The following ANKRD45 variants were observed in gnomAD, a reference collection of about 807,000 sequenced individuals.
The protein encoded by ANKRD45 is ankyrin repeat domain 45.
In ANKRD45, 21 loss-of-function variants were observed where a neutral mutation model predicts 28.1. The ratio of observed to expected loss-of-function variants is 0.75; its 90% confidence interval spans 0.53 to 1.08. ANKRD45 has a LOEUF of 1.08. ANKRD45 is among the 50% of genes least tolerant of loss of function. The pLI is 0.00. For synonymous variants in ANKRD45, 86 were observed against 103.9 expected, an observed-to-expected ratio of 0.83 and a Z score of 1.05; for missense variants, 261 against 308.7, an observed-to-expected ratio of 0.85 and a Z score of 1.16.
Position 173,669,831 on chromosome 1 carries a change from G to A in ANKRD45, c.-30C>T, listed in dbSNP as rs115490430. ...CCTAGACTCACCACACCCGGGCCCC[G>A]GCCTCCTCGGTTACCATAGCAACGG... On this transcript the variant is annotated 5_prime_UTR_variant, in exon 1 of 6. Transcript: ENST00000333279. 0.014 allele frequency: 2,309 copies of A among 170,562 alleles called. 59 individuals carry two copies. The highest frequency in any genetic ancestry group is 0.053 in the African/African-American group (2,197 of 41,660). 10.6% of individuals were successfully genotyped at this position (170,562 alleles called of 1,614,324 possible).
the ANKRD45 span, among the ~76,000 whole-genome samples, chr1:173,688,453 TACCTCTTC>T: frequency 3.8e-5 from 5 of 132,082 alleles, no homozygotes; most frequent in African/African-American, 1.5e-4. Flanking sequence ...CCTCTTCCTC[TACCTCTTC>T]CTCTCTCTAC....
At chr1:173,636,987 A>G in intron 3 of ANKRD45, 1 of 1,535,594 alleles carries the variant, frequency 6.5e-7, no homozygotes, top group Non-Finnish European at 8.7e-7. Context: ...AAAATTAAGC[A>G]CTGCAAATTA....
At chr1:173,660,234 G>A (rs1669719152) in intron 1 of ANKRD45, among the ~76,000 whole-genome samples, 1 of 152,088 alleles carries the variant, frequency 6.6e-6, no homozygotes. Context: ...GCTTCAGTCT[G>A]TCAGAACACA....
chr1:173,644,043 A>T (rs1344766026), intron 3 of ANKRD45, among the ~76,000 whole-genome samples: 1 of 152,194 alleles, frequency 6.6e-6, no homozygotes, highest in Non-Finnish European at 1.5e-5. Context: ...ATATTAATAT[A>T]CATTTATTCT....
intron 5 of ANKRD45, among the ~76,000 whole-genome samples, chr1:173,613,181 C>T (rs1478503115): frequency 2.0e-5 from 3 of 150,760 alleles, no homozygotes; most frequent in East Asian, 2.0e-4. Context: ...GTCTGAGATG[C>T]GGGGAGCACC....
chr1:173,613,281 C>A (rs974612272), intron 5 of ANKRD45, among the ~76,000 whole-genome samples: 2 of 151,776 alleles, frequency 1.3e-5, no homozygotes, highest in African/African-American at 4.8e-5. Flanking sequence ...TGCCCGGCCG[C>A]CCCGTCTGAG....
intron 3 of ANKRD45, among the ~76,000 whole-genome samples, chr1:173,630,721 G>A (rs370156880): frequency 2.0e-5 from 3 of 148,376 alleles, no homozygotes; most frequent in South Asian, 4.3e-4. Context: ...TAGGGAGGCT[G>A]AGGCAGGAGA....
chr1:173,642,916 C>A (rs565687586), intron 3 of ANKRD45, among the ~76,000 whole-genome samples: 1 of 152,096 alleles, frequency 6.6e-6, no homozygotes, highest in Admixed American at 6.5e-5. Context: ...TCTTCGTGTG[C>A]GCTCTTGTGG....
At chr1:173,658,916 T>A (rs1384140125) in intron 2 of ANKRD45, 175 bp downstream of exon 2, 2 of 989,462 alleles carry the variant, frequency 2.0e-6, no homozygotes, top group African/African-American at 3.3e-5. Context: ...CTATACTATG[T>A]AATATCAACA....
At chr1:173,669,622 A>C (rs1167769130) in intron 1 of ANKRD45, among the ~76,000 whole-genome samples, 195 bp downstream of exon 1, 1 of 152,138 alleles carries the variant, frequency 6.6e-6, no homozygotes, top group African/African-American at 2.4e-5. Context: ...ACCTTCTGCG[A>C]TCCCTTGCGG....
chr1:173,635,286 G>A lies in ANKRD45; in HGVS notation c.497-8127C>T, dbSNP rs148145200. On this transcript the variant is annotated intron_variant, in intron 3 of 5. Coordinates refer to ENST00000333279, the MANE Select transcript of ANKRD45 (RefSeq NM_198493.3). ...ATGATGTCACTGAACTTATCCCTGA[G>A]TCACTATGACTGATGATGTTACAAT... is the stretch of plus-strand genomic sequence containing the variant. 222 of 414,864 alleles carry A rather than the reference G, an allele frequency of 5.4e-4. 2 individuals are homozygous for A. Among genetic ancestry groups the A allele is most frequent in the Admixed American group, 1.6e-3 (39 of 24,828 alleles). 25.7% of individuals were successfully genotyped at this position (414,864 alleles called of 1,614,324 possible).
chr1:173,703,705 C>T, the ANKRD45 span, among the ~76,000 whole-genome samples: 2 of 152,244 alleles, frequency 1.3e-5, no homozygotes, highest in East Asian at 3.8e-4. Flanking sequence ...TTCCTCTCAC[C>T]TCTGCAGTGC....
At chr1:173,641,900 C>T (rs1452617929) in intron 3 of ANKRD45, among the ~76,000 whole-genome samples, 1 of 152,140 alleles carries the variant, frequency 6.6e-6, no homozygotes, top group Non-Finnish European at 1.5e-5. Context: ...ATATTACAAT[C>T]AGCAATGATT....
chr1:173,699,078 T>A, the ANKRD45 span, among the ~76,000 whole-genome samples: 1 of 151,682 alleles, frequency 6.6e-6, no homozygotes, highest in African/African-American at 2.4e-5. Context: ...CTAGAAGAAA[T>A]GGATAAATTC....
At chr1:173,686,649 C>G in the ANKRD45 span, among the ~76,000 whole-genome samples, 1 of 152,134 alleles carries the variant, frequency 6.6e-6, no homozygotes, top group African/African-American at 2.4e-5. Context: ...AAGAAATTGA[C>G]CTTTTGTTTT....
At chr1:173,665,223 T>C (rs1170910284) in intron 1 of ANKRD45, among the ~76,000 whole-genome samples, 1 of 152,158 alleles carries the variant, frequency 6.6e-6, no homozygotes, top group East Asian at 1.9e-4. Context: ...AGGCTGGTCT[T>C]GAACTCCTGG....
At chr1:173,635,667 G>A (rs1025092775) in intron 3 of ANKRD45, 1 of 1,535,624 alleles carries the variant, frequency 6.5e-7, no homozygotes, top group East Asian at 2.4e-5. Context: ...AAAGTTAAGG[G>A]TTCTCCATCT....
upstream of ANKRD45, among the ~76,000 whole-genome samples, chr1:173,671,976 C>T (rs1261633300): frequency 6.6e-6 from 1 of 151,978 alleles, no homozygotes; most frequent in Non-Finnish European, 1.5e-5. Context: ...TACATTACTT[C>T]CTTTCATTCC....
chr1:173,699,278 T>A, the ANKRD45 span, among the ~76,000 whole-genome samples: 3 of 152,198 alleles, frequency 2.0e-5, no homozygotes, highest in Non-Finnish European at 4.4e-5. Flanking sequence ...TCTGAAACTA[T>A]TCCAATCAAT....
Sources: gnomAD v4.1 joint callset for allele counts (sites outside exome capture counted in the v4.1 genomes callset) on GRCh38, gnomAD v4.1.1 for gene constraint, MANE v1.5 for transcripts, NCBI Gene and HGNC (gene_info 2026-07-23, HGNC 2026-07-21) for gene names.